Variants in LHFPL2 observed in about 807,000 individuals in gnomAD.
The protein encoded by LHFPL2 is LHFPL tetraspan subfamily member 2.
In LHFPL2, 7 loss-of-function variants were observed where a neutral mutation model predicts 17.5. The ratio of observed to expected loss-of-function variants is 0.40; its 90% confidence interval spans 0.23 to 0.75. The LOEUF (loss-of-function observed/expected upper bound fraction) is 0.75, where lower values mean the gene tolerates loss of function less well. Ranked by LOEUF, LHFPL2 falls within the 30% of genes least tolerant of loss-of-function variation. LHFPL2 has a pLI of 0.37. For missense variants in LHFPL2, 241 were observed against 294.8 expected, an observed-to-expected ratio of 0.82 and a Z score of 1.34; for synonymous variants, 134 against 116.2, an observed-to-expected ratio of 1.15 and a Z score of -0.99.
intron 2 of LHFPL2, among the ~76,000 whole-genome samples, chr5:78,582,723 G>T (rs1206465633): frequency 1.3e-5 from 2 of 152,144 alleles, no homozygotes; most frequent in East Asian, 3.8e-4. Flanking sequence ...GTCAATTTTG[G>T]AATAGGTATG....
At chr5:78,621,419 C>A (rs1744849401) in intron 2 of LHFPL2, among the ~76,000 whole-genome samples, 1 of 152,068 alleles carries the variant, frequency 6.6e-6, no homozygotes, top group Admixed American at 6.5e-5. Flanking sequence ...TGCCTGCCTG[C>A]ATCTCGGTGG....
chr5:78,632,622 C>G (rs1335748923), intron 1 of LHFPL2, among the ~76,000 whole-genome samples: 1 of 152,152 alleles, frequency 6.6e-6, no homozygotes, highest in Non-Finnish European at 1.5e-5. Flanking sequence ...CAGTACCTAC[C>G]TCAGAATGAT....
At chr5:78,552,685 T>G (rs1414114205) in intron 3 of LHFPL2, among the ~76,000 whole-genome samples, 3 of 152,138 alleles carry the variant, frequency 2.0e-5, no homozygotes, top group Non-Finnish European at 4.4e-5. Context: ...TAGGGAAAAA[T>G]AAGCATGATC....
At chr5:78,608,426 A>G (rs553672341) in intron 2 of LHFPL2, among the ~76,000 whole-genome samples, 7 of 152,330 alleles carry the variant, frequency 4.6e-5, no homozygotes, top group Non-Finnish European at 8.8e-5. Flanking sequence ...CACAACCTCC[A>G]TGTGACAATT....
chr5:78,624,732 TAAAC>T (rs1392333807), intron 2 of LHFPL2: 1 of 152,160 alleles, frequency 6.6e-6, no homozygotes, highest in Non-Finnish European at 1.5e-5. Context: ...ATAAGACAGA[TAAAC>T]AAACAGCAAT....
intron 3 of LHFPL2, among the ~76,000 whole-genome samples, chr5:78,519,300 C>T (rs72760979): frequency 0.13 from 19,911 of 152,214 alleles, 1,806 homozygotes; most frequent in Non-Finnish European, 0.2. Flanking sequence ...GACCTCATCA[C>T]AGTAAACCAT....
intron 2 of LHFPL2, among the ~76,000 whole-genome samples, chr5:78,621,802 G>T (rs948304475): frequency 1.3e-5 from 2 of 152,148 alleles, no homozygotes; most frequent in African/African-American, 4.8e-5. Context: ...TTAATGGTGT[G>T]TGATACATTG....
intron 2 of LHFPL2, among the ~76,000 whole-genome samples, chr5:78,585,058 G>C (rs1417479497): frequency 1.1e-5 from 1 of 89,714 alleles, no homozygotes; most frequent in Non-Finnish European, 2.5e-5. Flanking sequence ...CCAGGCTGGA[G>C]TGCAGTGGCG....
At chr5:78,537,161 C>T (rs1755973497) in intron 3 of LHFPL2, among the ~76,000 whole-genome samples, 1 of 152,216 alleles carries the variant, frequency 6.6e-6, no homozygotes, top group South Asian at 2.1e-4. Context: ...ATTCCCTACA[C>T]ACATGCTCTG....
chr5:78,541,578 G>A (rs918282923), intron 3 of LHFPL2, among the ~76,000 whole-genome samples: 2 of 152,188 alleles, frequency 1.3e-5, no homozygotes, highest in African/African-American at 2.4e-5. Flanking sequence ...CAAAGATTTT[G>A]GGGAAGGAGG....
At chr5:78,584,916 C>T (rs1434196360) in intron 2 of LHFPL2, among the ~76,000 whole-genome samples, 1 of 150,790 alleles carries the variant, frequency 6.6e-6, no homozygotes, top group Non-Finnish European at 1.5e-5. Flanking sequence ...TCTCTGACTG[C>T]TGTGCTAGCA....
At chr5:78,541,245 G>A (rs1422273627) in intron 3 of LHFPL2, among the ~76,000 whole-genome samples, 1 of 152,114 alleles carries the variant, frequency 6.6e-6, no homozygotes, top group East Asian at 1.9e-4. Flanking sequence ...GTGAAGCTGG[G>A]GGAGGTAAGA....
In LHFPL2 at chr5:78,510,091, G is replaced by A. The variant is rs986870811; in HGVS notation, c.123C>T (p.Arg41=). The change falls in exon 4 of 5, where the codon CGC becomes CGT. Residue 41 remains arginine, a synonymous_variant. Coordinates refer to ENST00000380345, the MANE Select transcript of LHFPL2 (RefSeq NM_005779.3). ...CCGGGCCCGCCGGCTCCACGCCGCCGCGGCTCCTCGCTTTCCCGATCAGCC... is the reference window on the plus strand; with the variant it reads ...CCGGGCCCGCCGGCTCCACGCCGCCACGGCTCCTCGCTTTCCCGATCAGCC... ...ADWLIGKARS[R]GGVEPAGPGG... 7.4e-6 allele frequency: 12 copies of A among 1,612,538 alleles called. No homozygotes were observed. Among genetic ancestry groups the A allele is most frequent in the Non-Finnish European group, 7.6e-6 (9 of 1,179,404 alleles).
chr5:78,497,419 A>G (rs1754641161), intron 4 of LHFPL2, among the ~76,000 whole-genome samples: 1 of 152,102 alleles, frequency 6.6e-6, no homozygotes, highest in East Asian at 1.9e-4. Context: ...CCTACTGCAC[A>G]CTACCTTTTA....
At chr5:78,639,694 C>T (rs1031520265) in intron 1 of LHFPL2, among the ~76,000 whole-genome samples, 5 of 152,064 alleles carry the variant, frequency 3.3e-5, no homozygotes, top group African/African-American at 1.2e-4. Context: ...GTTTTTCTTA[C>T]GTATCTATTT....
chr5:78,561,397 A>C (rs1756722717), intron 3 of LHFPL2, among the ~76,000 whole-genome samples: 1 of 152,176 alleles, frequency 6.6e-6, no homozygotes, highest in South Asian at 2.1e-4. Flanking sequence ...TAGCGCTTTC[A>C]CTTTGCCCCT....
At chr5:78,574,592 T>C (rs1237770845) in intron 2 of LHFPL2, among the ~76,000 whole-genome samples, 2 of 152,334 alleles carry the variant, frequency 1.3e-5, no homozygotes, top group East Asian at 3.9e-4. Flanking sequence ...TGATGGGACA[T>C]AATTTTGTCT....
intron 1 of LHFPL2, among the ~76,000 whole-genome samples, chr5:78,642,576 A>G (rs1745708161): frequency 1.3e-5 from 2 of 152,202 alleles, no homozygotes; most frequent in South Asian, 4.1e-4. Context: ...TGCACCTAGC[A>G]TCAGTTAGTA....
chr5:78,547,432 C>T lies in LHFPL2; in HGVS notation c.-186+17381G>A, dbSNP rs1424459812. On this transcript the variant is annotated intron_variant, in intron 3 of 4. Coordinates refer to ENST00000380345, the MANE Select transcript of LHFPL2 (RefSeq NM_005779.3). ...TTACATGGCTGTGCCAGCCAGCACA[C>T]ATGACGTCTGATATCATTACTCTGG... Among the ~76,000 whole-genome samples the T allele has an allele frequency of 2.0e-5, 3 of 152,228 alleles. No homozygotes were observed. The East Asian group carries it at 5.8e-4, about 29-fold the overall frequency.
Sources: gnomAD v4.1 joint callset for allele counts (sites outside exome capture counted in the v4.1 genomes callset) on GRCh38, gnomAD v4.1.1 for gene constraint, MANE v1.5 for transcripts, NCBI Gene and HGNC (gene_info 2026-07-23, HGNC 2026-07-21) for gene names.